Variants in DIAPH3 observed in about 807,000 individuals in gnomAD.
DIAPH3 encodes the protein diaphanous related formin 3.
In DIAPH3, 117 loss-of-function variants were observed where a neutral mutation model predicts 144.3. The ratio of observed to expected loss-of-function variants is 0.81; its 90% CI spans 0.70 to 0.95. DIAPH3 has a LOEUF of 0.95. Among genes scored for constraint, DIAPH3 ranks in the 40% least tolerant of loss-of-function variants. The pLI is 0.00. For synonymous variants in DIAPH3, 519 were observed against 488.9 expected (o/e 1.06, Z -0.81); for missense variants, 1,421 against 1,412.7 (o/e 1.01, Z -0.09).
intron 27 of DIAPH3, among the ~76,000 whole-genome samples, chr13:59,773,168 A>C (rs935991128): frequency 6.6e-5 from 10 of 152,166 alleles, no homozygotes; most frequent in African/African-American, 2.4e-4. Flanking sequence ...ACAACAAAAA[A>C]GACCTATTTA....
chr13:60,127,070 A>T (rs1566801890), intron 2 of DIAPH3, among the ~76,000 whole-genome samples: 2 of 152,148 alleles, frequency 1.3e-5, no homozygotes. Flanking sequence ...GTTTTTCAAA[A>T]GATCAATAAA....
chr13:59,832,401 T>C (rs1273991187), intron 24 of DIAPH3, among the ~76,000 whole-genome samples: 2 of 151,846 alleles, frequency 1.3e-5, no homozygotes, highest in Non-Finnish European at 2.9e-5. Flanking sequence ...ACCTCAAAAC[T>C]TTTTAATCGC....
chr13:60,045,347 A>G (rs1197105552), intron 4 of DIAPH3, among the ~76,000 whole-genome samples: 2 of 152,166 alleles, frequency 1.3e-5, no homozygotes, highest in African/African-American at 4.8e-5. Flanking sequence ...TCTCAAAAAA[A>G]AAATAAAAAT....
At chr13:59,965,284 A>G (rs1367742585) in intron 17 of DIAPH3, among the ~76,000 whole-genome samples, 1 of 152,158 alleles carries the variant, frequency 6.6e-6, no homozygotes, top group Non-Finnish European at 1.5e-5. Flanking sequence ...CAAAAATGAC[A>G]CACCTGTTAT....
chr13:59,708,727 T>C (rs1186482924), intron 27 of DIAPH3, among the ~76,000 whole-genome samples: 2 of 152,164 alleles, frequency 1.3e-5, no homozygotes, highest in Admixed American at 1.3e-4. Context: ...ATTGTTTAAA[T>C]ACCATTTACC....
intron 15 of DIAPH3, among the ~76,000 whole-genome samples, 192 bp from the exon 16 acceptor site, chr13:59,971,352 T>TC (rs1566592006): frequency 6.6e-6 from 1 of 152,198 alleles, no homozygotes; most frequent in Non-Finnish European, 1.5e-5. Context: ...TAGCTTTTTT[T>TC]CCCTCATAAA....
intron 13 of DIAPH3, among the ~76,000 whole-genome samples, chr13:59,982,456 T>C (rs1016102898): frequency 4.6e-5 from 7 of 151,394 alleles, no homozygotes; most frequent in African/African-American, 1.5e-4. Context: ...TTATCTCTTA[T>C]AGAGAGAAAC....
At chr13:59,707,457 C>T (rs1012862358) in intron 27 of DIAPH3, among the ~76,000 whole-genome samples, 1 of 152,000 alleles carries the variant, frequency 6.6e-6, no homozygotes, top group Non-Finnish European at 1.5e-5. Context: ...AAGAAAACTG[C>T]AGAATAAGGT....
At chr13:59,843,210 A>G (rs541317654) in intron 22 of DIAPH3, among the ~76,000 whole-genome samples, 2 of 152,242 alleles carry the variant, frequency 1.3e-5, no homozygotes, top group East Asian at 3.9e-4. Context: ...AAGACCAAAT[A>G]TTTACTTTTC....
At chr13:60,158,906 TAAAAAAAAAAA>T (rs71197285) in intron 1 of DIAPH3, among the ~76,000 whole-genome samples, 4 of 76,914 alleles carry the variant, frequency 5.2e-5, no homozygotes, top group Non-Finnish European at 9.7e-5. Context: ...TGGCCCCTCT[TAAAAAAAAAAA>T]AAAAAAAAAA....
intron 1 of DIAPH3, among the ~76,000 whole-genome samples, chr13:60,157,464 T>C (rs1952086778): frequency 6.6e-6 from 1 of 152,240 alleles, no homozygotes; most frequent in South Asian, 2.1e-4. Flanking sequence ...AGTTTCTGTT[T>C]CTCTACAGAG....
intron 21 of DIAPH3, among the ~76,000 whole-genome samples, chr13:59,878,237 C>G (rs767921342): frequency 3.9e-5 from 6 of 152,094 alleles, no homozygotes; most frequent in Non-Finnish European, 7.4e-5. Context: ...GGGATCTTCA[C>G]CAAATACAGC....
At chr13:59,676,270 C>G (rs1428081188) in intron 27 of DIAPH3, among the ~76,000 whole-genome samples, 1 of 152,208 alleles carries the variant, frequency 6.6e-6, no homozygotes, top group African/African-American at 2.4e-5. Flanking sequence ...TCCTCACAAT[C>G]TCATCAGGCA....
At chr13:60,097,955 T>A (rs2058155524) in intron 3 of DIAPH3, among the ~76,000 whole-genome samples, 1 of 152,124 alleles carries the variant, frequency 6.6e-6, no homozygotes, top group Non-Finnish European at 1.5e-5. Flanking sequence ...GGTCACGAAG[T>A]CCTTAGAAAA....
At chr13:59,971,641 A>G (rs944799392) in intron 15 of DIAPH3, among the ~76,000 whole-genome samples, 26 of 152,352 alleles carry the variant, frequency 1.7e-4, no homozygotes, top group African/African-American at 6.3e-4. Context: ...GTATTGCCAC[A>G]TCATGACTTT....
chr13:59,842,054 AAC>A (rs1202923701), intron 22 of DIAPH3, among the ~76,000 whole-genome samples: 1 of 152,122 alleles, frequency 6.6e-6, no homozygotes, highest in Non-Finnish European at 1.5e-5. Context: ...CATTTAAATA[AAC>A]AGATATAATT....
At chr13:59,990,026 C>T (rs145066456) in intron 12 of DIAPH3, among the ~76,000 whole-genome samples, 1,756 of 151,828 alleles carry the variant, frequency 0.012, 17 homozygotes, top group Non-Finnish European at 0.017. Context: ...TCATAAACAG[C>T]ATGGTACAAA....
At chr13:60,113,776 A>C (rs567742758) in intron 2 of DIAPH3, among the ~76,000 whole-genome samples, 1 of 152,350 alleles carries the variant, frequency 6.6e-6, no homozygotes, top group Admixed American at 6.5e-5. Context: ...ACAAGGGTAA[A>C]GAAAAGCCAG....
intron 1 of DIAPH3, among the ~76,000 whole-genome samples, chr13:60,157,188 G>A (rs567153738): frequency 1.9e-4 from 29 of 151,798 alleles, no homozygotes; most frequent in South Asian, 1.2e-3. Context: ...CAAGTGATCC[G>A]CCTGCCTTGG....
Sources: allele counts gnomAD v4.1 joint callset (sites outside exome capture counted in the v4.1 genomes callset), GRCh38; gene constraint gnomAD v4.1.1; transcripts MANE v1.5; gene names NCBI Gene and HGNC (gene_info 2026-07-23, HGNC 2026-07-21).